The following MIA2 variants were observed in gnomAD, a reference collection of about 807,000 sequenced individuals.
The protein encoded by MIA2 is melanoma inhibitory activity protein 2.
MIA2 carries 127 observed loss-of-function variants against 167.8 expected under a neutral mutation model. That is an observed-to-expected ratio of 0.76 (90% CI 0.66 to 0.88). The LOEUF (loss-of-function observed/expected upper bound fraction) is 0.88. MIA2 is among the 40% of genes least tolerant of loss of function. The pLI, the probability that MIA2 is intolerant of heterozygous loss-of-function variation, is 0.00. For missense variants in MIA2, 1,690 were observed against 1,624.7 expected (o/e 1.04, Z -0.69); for synonymous variants, 552 against 541.9 (o/e 1.02, Z -0.26).
At chr14:39,266,839 C>CG (rs1319524796) in intron 6 of MIA2, 13 of 55,050 alleles carry the variant, frequency 2.4e-4, no homozygotes, top group Admixed American at 7.7e-4. Context: ...GCCCCTGGGT[C>CG]GGGGGGGTGG....
chr14:39,323,783 A>G (rs1595611799), intron 24 of MIA2, among the ~76,000 whole-genome samples: 2 of 152,202 alleles, frequency 1.3e-5, no homozygotes, highest in Admixed American at 6.5e-5. Context: ...CTTGTAGTCA[A>G]TTGAATATTT....
At chr14:39,282,370 CATG>C (rs1241514081) in intron 9 of MIA2, among the ~76,000 whole-genome samples, 1 of 152,090 alleles carries the variant, frequency 6.6e-6, no homozygotes, top group Admixed American at 6.5e-5. Flanking sequence ...AAGGTATAAA[CATG>C]ATGAGATACG....
intron 23 of MIA2, among the ~76,000 whole-genome samples, chr14:39,376,505 CAG>C (rs1338957510): frequency 3.9e-5 from 6 of 152,002 alleles, no homozygotes; most frequent in South Asian, 2.1e-4. Flanking sequence ...TTTATGAAAA[CAG>C]AAAACATGGC....
At chr14:39,251,062 T>C (rs1457518299) in intron 4 of MIA2, among the ~76,000 whole-genome samples, 1 of 152,114 alleles carries the variant, frequency 6.6e-6, no homozygotes, top group Admixed American at 6.6e-5. Context: ...AAACAGCCAA[T>C]CTTTTCTGAA....
At chr14:39,252,305 T>C (rs1280826355) in intron 4 of MIA2, among the ~76,000 whole-genome samples, 2 of 152,124 alleles carry the variant, frequency 1.3e-5, no homozygotes, top group African/African-American at 2.4e-5. Context: ...AGGCTACTTA[T>C]AAGAGGAAGG....
At chr14:39,255,152 G>T (rs548225087) in intron 6 of MIA2, among the ~76,000 whole-genome samples, 25 of 152,242 alleles carry the variant, frequency 1.6e-4, no homozygotes, top group African/African-American at 4.6e-4. Flanking sequence ...TAAGCTTAGA[G>T]AAATCATTAA....
intron 23 of MIA2, 49 bp downstream of exon 23, chr14:39,319,340 A>G (rs757439540): frequency 5.7e-6 from 5 of 877,462 alleles, no homozygotes; most frequent in Admixed American, 2.7e-5. Flanking sequence ...TTTTACATAT[A>G]TATATATATT....
chr14:39,358,655 G>T (rs1403008061), intron 23 of MIA2, among the ~76,000 whole-genome samples: 1 of 152,070 alleles, frequency 6.6e-6, no homozygotes, highest in African/African-American at 2.4e-5. Flanking sequence ...CAGTTTTTCT[G>T]GTCTGTTTTT....
intron 9 of MIA2, among the ~76,000 whole-genome samples, chr14:39,287,653 C>T (rs1258834585): frequency 1.3e-5 from 2 of 151,878 alleles, no homozygotes; most frequent in Non-Finnish European, 2.9e-5. Context: ...AACTCTGCCT[C>T]CTGGGTTCAA....
chr14:39,255,640 A>G (rs2054784821), intron 6 of MIA2, among the ~76,000 whole-genome samples: 2 of 152,216 alleles, frequency 1.3e-5, no homozygotes, highest in African/African-American at 4.8e-5. Flanking sequence ...AATTAATTCT[A>G]CTTTTTGGTA....
At chr14:39,294,190 ATTT>A in intron 12 of MIA2, 119 bp downstream of exon 12, 6 of 513,576 alleles carry the variant, frequency 1.2e-5, no homozygotes, top group South Asian at 2.4e-5. Context: ...CCAGATATGT[ATTT>A]TTTTTTTTTT....
At chr14:39,285,766 G>A (rs1307173124) in intron 9 of MIA2, among the ~76,000 whole-genome samples, 5 of 151,022 alleles carry the variant, frequency 3.3e-5, no homozygotes, top group South Asian at 4.2e-4. Context: ...CTTCTCAGAC[G>A]GGGCGGCTGC....
intron 6 of MIA2, among the ~76,000 whole-genome samples, chr14:39,272,326 T>G (rs2057298624): frequency 1.3e-5 from 2 of 152,176 alleles, no homozygotes; most frequent in African/African-American, 4.8e-5. Context: ...CACTCCATCC[T>G]GGGTGACAGG....
At chr14:39,288,451 A>T (rs1268494609) in intron 9 of MIA2, among the ~76,000 whole-genome samples, 2,079 of 8,738 alleles carry the variant, frequency 0.24, 407 homozygotes, top group East Asian at 0.68. Context: ...ATATATATAT[A>T]TATATATATA....
At chr14:39,346,626 A>G (rs1367509881) in intron 26 of MIA2, among the ~76,000 whole-genome samples, 3 of 150,044 alleles carry the variant, frequency 2.0e-5, no homozygotes, top group Non-Finnish European at 3.0e-5. Context: ...ATGTATTGGT[A>G]AAAGGTTTCC....
rs1163710194 is a variant in MIA2, at chr14:39,293,909, T to TA, written c.2320-88dup. ...TTAATTTGAGCTTCACTTATGGAGCTAAAGTGTTAGGTTAACAGTATATCT... is the reference window on the plus strand; with the variant it reads ...TTAATTTGAGCTTCACTTATGGAGCTAAAAGTGTTAGGTTAACAGTATATCT... On this transcript the variant is annotated intron_variant, in intron 11 of 28. Coordinates refer to ENST00000640607, the MANE Select transcript of MIA2 (RefSeq NM_001329214.4). The TA allele has an allele frequency of 8.3e-6, 8 of 965,754 alleles. No homozygotes were observed. The East Asian group carries it at 2.0e-4, about 25-fold the overall frequency. The allele number at this position is 965,754 out of a possible 1,614,324, so 59.8% of individuals were successfully genotyped here. A position where few individuals can be genotyped will look rare whatever the true frequency, so the allele number is the denominator to read the frequency against.
intron 23 of MIA2, among the ~76,000 whole-genome samples, chr14:39,358,106 C>T (rs918256571): frequency 6.6e-6 from 1 of 152,168 alleles, no homozygotes; most frequent in Non-Finnish European, 1.5e-5. Flanking sequence ...GCTTGCCTTG[C>T]TAGACTGGGG....
At chr14:39,288,466 TATATATA>T (rs560258772) in intron 9 of MIA2, among the ~76,000 whole-genome samples, 18 of 37,750 alleles carry the variant, frequency 4.8e-4, no homozygotes, top group Admixed American at 1.2e-3. Context: ...TATATATATA[TATATATA>T]TATTTTTTTT....
At chr14:39,275,639 A>C (rs2057891295) in intron 6 of MIA2, among the ~76,000 whole-genome samples, 1 of 152,246 alleles carries the variant, frequency 6.6e-6, no homozygotes, top group Non-Finnish European at 1.5e-5. Flanking sequence ...TATGTGTTGA[A>C]TACATTAGCT....
Sources: allele counts gnomAD v4.1 joint callset (sites outside exome capture counted in the v4.1 genomes callset), GRCh38; gene constraint gnomAD v4.1.1; transcripts MANE v1.5; gene names NCBI Gene and HGNC (gene_info 2026-07-23, HGNC 2026-07-21).